ANKRD30B: variants seen among roughly 807,000 people sequenced by gnomAD.
ANKRD30B encodes the protein ankyrin repeat domain 30B.
A neutral mutation model predicts 202.2 loss-of-function variants in ANKRD30B; 144 were observed. The ratio of observed to expected loss-of-function variants is 0.71; its 90% CI spans 0.62 to 0.82. The LOEUF (loss-of-function observed/expected upper bound fraction) is 0.82. Among genes scored for constraint, ANKRD30B ranks in the 40% least tolerant of loss-of-function variants. ANKRD30B has a pLI of 0.00. For synonymous variants in ANKRD30B, 508 were observed against 561.3 expected, an observed-to-expected ratio of 0.91 and a Z score of 1.34; for missense variants, 1,487 against 1,669.1, an observed-to-expected ratio of 0.89 and a Z score of 1.90.
At chr18:14,783,602 A>T (rs1967889283) in intron 12 of ANKRD30B, among the ~76,000 whole-genome samples, 1 of 152,152 alleles carries the variant, frequency 6.6e-6, no homozygotes, top group Admixed American at 6.5e-5. Flanking sequence ...GAATAATAAG[A>T]TTGCTTTTTA....
At chr18:14,794,684 C>T (rs1298226076) in intron 16 of ANKRD30B, among the ~76,000 whole-genome samples, 3 of 152,104 alleles carry the variant, frequency 2.0e-5, no homozygotes, top group Non-Finnish European at 2.9e-5. Context: ...ATTTTAAGCA[C>T]TTTTTTTCTA....
rs190702957 is a variant in ANKRD30B at position 14,762,531 on chromosome 18, G to A, written c.821-1155G>A. ...GTCTCACTATTATCAACTTCATTCC[G>A]TCTAAGTTGAAACCAAATAAGATAT... On this transcript the variant is annotated intron_variant, in intron 6 of 43. Coordinates refer to ENST00000690538, the MANE Select transcript of ANKRD30B (RefSeq NM_001367607.2). 8.0e-4 allele frequency among the ~76,000 whole-genome samples: 121 copies of A among 150,714 alleles called. 1 individual carries two copies. Among genetic ancestry groups the A allele is most frequent in the African/African-American group, 2.6e-3 (106 of 41,012 alleles).
At chr18:14,792,887 C>T (rs1968620461) in intron 16 of ANKRD30B, among the ~76,000 whole-genome samples, 1 of 151,846 alleles carries the variant, frequency 6.6e-6, no homozygotes, top group African/African-American at 2.4e-5. Flanking sequence ...CATGATATAC[C>T]AAACCAGACT....
the ANKRD30B span, among the ~76,000 whole-genome samples, chr18:14,881,486 G>T: frequency 6.6e-5 from 10 of 152,142 alleles, no homozygotes; most frequent in African/African-American, 2.4e-4. Flanking sequence ...CAGTTAGATA[G>T]TATTTTGTTA....
the ANKRD30B span, among the ~76,000 whole-genome samples, chr18:14,929,007 G>A: frequency 6.6e-6 from 1 of 152,112 alleles, no homozygotes; most frequent in East Asian, 1.9e-4. Flanking sequence ...AGCTTATTGT[G>A]ACTGTAATGA....
intron 9 of ANKRD30B, among the ~76,000 whole-genome samples, chr18:14,776,045 T>G (rs1197277529): frequency 1.2e-4 from 19 of 152,236 alleles, no homozygotes; most frequent in Non-Finnish European, 2.6e-4. Context: ...GAAAGCAGTA[T>G]TGTTAGCACA....
chr18:14,940,916 G>A, the ANKRD30B span, among the ~76,000 whole-genome samples: 1 of 152,112 alleles, frequency 6.6e-6, no homozygotes, highest in East Asian at 1.9e-4. Flanking sequence ...CTAGTGAGAG[G>A]CCCCTTCTGA....
chr18:14,751,951 T>G (rs1470472823), intron 1 of ANKRD30B, among the ~76,000 whole-genome samples: 2 of 152,140 alleles, frequency 1.3e-5, no homozygotes, highest in African/African-American at 4.8e-5. Flanking sequence ...CTGCCAAATA[T>G]AGTTGTAATA....
At chr18:14,931,150 T>C in the ANKRD30B span, among the ~76,000 whole-genome samples, 1 of 152,154 alleles carries the variant, frequency 6.6e-6, no homozygotes, top group South Asian at 2.1e-4. Flanking sequence ...CTACTGTCTT[T>C]AGTGACAGGG....
At chr18:14,896,378 A>T in the ANKRD30B span, among the ~76,000 whole-genome samples, 2 of 151,924 alleles carry the variant, frequency 1.3e-5, no homozygotes, top group African/African-American at 4.8e-5. Context: ...TGATCTGCCC[A>T]CCTCGGCCTC....
At chr18:14,876,165 A>G in the ANKRD30B span, among the ~76,000 whole-genome samples, 2 of 28,832 alleles carry the variant, frequency 6.9e-5, no homozygotes, top group African/African-American at 5.0e-4. Flanking sequence ...ATAGATCTGG[A>G]AAAAAAAAAA....
chr18:14,877,308 GATGA>G, the ANKRD30B span, among the ~76,000 whole-genome samples: 15,484 of 111,432 alleles, frequency 0.14, 1,023 homozygotes, highest in African/African-American at 0.23. Flanking sequence ...CTCAATAAAT[GATGA>G]ATGAATGAAT....
the ANKRD30B span, among the ~76,000 whole-genome samples, chr18:14,873,240 T>C: frequency 6.6e-6 from 1 of 152,068 alleles, no homozygotes; most frequent in African/African-American, 2.4e-5. Flanking sequence ...AAAAGATAAT[T>C]TGGGGCCGGG....
intron 19 of ANKRD30B, 35 bp downstream of exon 19, chr18:14,797,724 C>T (rs368839754): frequency 3.1e-6 from 5 of 1,607,498 alleles, no homozygotes; most frequent in South Asian, 2.2e-5. Context: ...TGAATATTAA[C>T]TACATATTTT....
chr18:14,897,749 T>C, the ANKRD30B span, among the ~76,000 whole-genome samples: 1 of 152,178 alleles, frequency 6.6e-6, no homozygotes, highest in African/African-American at 2.4e-5. Flanking sequence ...ATGAATAAAA[T>C]GTCCCTGCCC....
the ANKRD30B span, among the ~76,000 whole-genome samples, chr18:14,861,130 T>C: frequency 2.0e-5 from 3 of 152,144 alleles, no homozygotes; most frequent in Non-Finnish European, 2.9e-5. Flanking sequence ...TTAAAGGAGT[T>C]TGGCTCGTGA....
chr18:14,796,052 G>A (rs1319021624), intron 16 of ANKRD30B, among the ~76,000 whole-genome samples, 169 bp from the exon 17 acceptor site: 1 of 152,026 alleles, frequency 6.6e-6, no homozygotes, highest in Non-Finnish European at 1.5e-5. Flanking sequence ...GTATATTTCT[G>A]TCCCGTTGGC....
chr18:14,879,653 AG>A, the ANKRD30B span, among the ~76,000 whole-genome samples: 1 of 150,246 alleles, frequency 6.7e-6, no homozygotes, highest in Non-Finnish European at 1.5e-5. Flanking sequence ...GTTTAGAGTT[AG>A]GGGTTAAGAG....
the ANKRD30B span, among the ~76,000 whole-genome samples, chr18:14,930,065 A>T: frequency 1.3e-5 from 2 of 152,250 alleles, no homozygotes; most frequent in East Asian, 3.9e-4. Flanking sequence ...ATGTTAGATG[A>T]ATGTATTGCC....
Sources: allele counts gnomAD v4.1 joint callset (sites outside exome capture counted in the v4.1 genomes callset), GRCh38; gene constraint gnomAD v4.1.1; transcripts MANE v1.5; gene names NCBI Gene and HGNC (gene_info 2026-07-23, HGNC 2026-07-21).